Variants in PDE7A observed in about 807,000 individuals in gnomAD.
PDE7A encodes the protein high affinity 3',5'-cyclic-AMP phosphodiesterase 7A.
In PDE7A, 39 loss-of-function variants were observed where a neutral mutation model predicts 64.3. The observed-to-expected ratio is 0.61, with a 90% CI of 0.47 to 0.79. The LOEUF (loss-of-function observed/expected upper bound fraction) is 0.79, where lower values mean the gene tolerates loss of function less well. PDE7A is among the 30% of genes least tolerant of loss of function. PDE7A has a pLI of 0.00. For missense variants in PDE7A, 470 were observed against 582.8 expected, an observed-to-expected ratio of 0.81 and a Z score of 1.99; for synonymous variants, 203 against 206.8, an observed-to-expected ratio of 0.98 and a Z score of 0.16.
intron 1 of PDE7A, among the ~76,000 whole-genome samples, chr8:65,802,084 AC>A (rs1432934237): frequency 6.6e-6 from 1 of 152,258 alleles, no homozygotes; most frequent in African/African-American, 2.4e-5. Context: ...AAGTTAAGCC[AC>A]ATGATCTAAC....
At chr8:65,803,974 G>C (rs1211255913) in intron 1 of PDE7A, among the ~76,000 whole-genome samples, 3 of 151,954 alleles carry the variant, frequency 2.0e-5, no homozygotes, top group African/African-American at 7.3e-5. Flanking sequence ...ACACATTCTA[G>C]AAAAAATATG....
In PDE7A at chr8:65,760,195, G is replaced by A. The variant is rs1012527573; in HGVS notation, c.284-12392C>T. Among the ~76,000 whole-genome samples the A allele has an allele frequency of 4.6e-5, 7 of 152,198 alleles. No homozygotes were observed. The East Asian group carries it at 5.8e-4, about 13-fold the overall frequency. The stretch of plus-strand genomic sequence containing the variant: ...GTAGAGGTTGCAGTGAGCTAAGATC[G>A]TGCTACTGCACTCCAGCCTGGGCAA... On this transcript the variant is annotated intron_variant, in intron 3 of 12. Transcript: ENST00000401827.
intron 1 of PDE7A, among the ~76,000 whole-genome samples, chr8:65,823,724 A>G (rs1024298758): frequency 2.0e-5 from 3 of 152,184 alleles, no homozygotes; most frequent in African/African-American, 7.2e-5. Flanking sequence ...CCAATGCAAT[A>G]TATTAAAATC....
chr8:65,788,878 C>T (rs1407856850), intron 1 of PDE7A: 1 of 1,585,706 alleles, frequency 6.3e-7, no homozygotes, highest in Non-Finnish European at 8.6e-7. Context: ...TAAAGATGGC[C>T]TACCTTAGAG....
chr8:65,723,551 G>C lies in PDE7A; in HGVS notation c.1233C>G (p.Asn411Lys). ...AATATGTATAGTTACCAATCTGGATGTTGGCAATAGATTCAGTGTGACGAT... is the reference window on the plus strand; with the variant it reads ...AATATGTATAGTTACCAATCTGGATCTTGGCAATAGATTCAGTGTGACGAT... ...LCDRHTESIANIQIGFMTYLV... is the reference protein window; with the variant it reads ...LCDRHTESIAKIQIGFMTYLV... Residue 411 changes from asparagine (N) to lysine (K), a missense_variant, in exon 12 of 13, where the codon AAC (asparagine) becomes AAG (lysine). Physicochemically the swap from Asn to Lys is moderately conservative, Grantham distance 94 (BLOSUM62 0). Coordinates refer to ENST00000401827, the MANE Select transcript of PDE7A (RefSeq NM_001242318.3). 1.9e-6 allele frequency: 3 copies of C among 1,575,194 alleles called. No homozygotes were observed. Among genetic ancestry groups the C allele is most frequent in the Non-Finnish European group, 2.6e-6 (3 of 1,162,506 alleles).
At chr8:65,823,776 C>G (rs1336325653) in intron 1 of PDE7A, among the ~76,000 whole-genome samples, 1 of 151,928 alleles carries the variant, frequency 6.6e-6, no homozygotes, top group Non-Finnish European at 1.5e-5. Context: ...TTTACATGTG[C>G]GAGATTTATA....
At chr8:65,726,243 C>G (rs768621196) in intron 9 of PDE7A, among the ~76,000 whole-genome samples, 1 of 152,196 alleles carries the variant, frequency 6.6e-6, no homozygotes, top group Non-Finnish European at 1.5e-5. Flanking sequence ...CACACTATGG[C>G]AATGACGTGA....
intron 6 of PDE7A, among the ~76,000 whole-genome samples, chr8:65,738,435 G>A (rs1807248505): frequency 6.6e-6 from 1 of 152,108 alleles, no homozygotes; most frequent in African/African-American, 2.4e-5. Context: ...TCCACCTAAA[G>A]GACGGACAAA....
At chr8:65,814,886 A>G (rs1429673998) in intron 1 of PDE7A, among the ~76,000 whole-genome samples, 2 of 152,104 alleles carry the variant, frequency 1.3e-5, no homozygotes. Context: ...GTTCAAGACC[A>G]GCCTGGCCAA....
chr8:65,778,313 T>C (rs1370236305), intron 3 of PDE7A, among the ~76,000 whole-genome samples: 2 of 152,176 alleles, frequency 1.3e-5, no homozygotes, highest in East Asian at 1.9e-4. Flanking sequence ...ACCCTAAGAC[T>C]TCCCTGAGAC....
intron 1 of PDE7A, among the ~76,000 whole-genome samples, chr8:65,840,269 A>G (rs1811048394): frequency 6.6e-6 from 1 of 152,216 alleles, no homozygotes; most frequent in African/African-American, 2.4e-5. Context: ...AATAAAAAGG[A>G]TTCAGAGAGA....
intron 3 of PDE7A, among the ~76,000 whole-genome samples, chr8:65,762,193 T>C (rs1381717341): frequency 6.6e-6 from 1 of 152,224 alleles, no homozygotes; most frequent in Non-Finnish European, 1.5e-5. Context: ...AAAACAAACC[T>C]GAAGATGTTC....
intron 1 of PDE7A, among the ~76,000 whole-genome samples, chr8:65,834,645 C>T (rs1173540010): frequency 6.6e-6 from 1 of 152,194 alleles, no homozygotes. Flanking sequence ...ACCCAGTTAA[C>T]AACTAATTTT....
chr8:65,818,230 C>T (rs1213394401), intron 1 of PDE7A, among the ~76,000 whole-genome samples: 5 of 151,906 alleles, frequency 3.3e-5, no homozygotes, highest in Non-Finnish European at 5.9e-5. Context: ...TTTTTTTCCT[C>T]GTGTATGCGT....
intron 1 of PDE7A, among the ~76,000 whole-genome samples, chr8:65,805,019 T>C (rs185436485): frequency 1.3e-4 from 20 of 151,738 alleles, no homozygotes; most frequent in African/African-American, 2.7e-4. Context: ...TTTGAAAAAA[T>C]TTTTGGTAGA....
chr8:65,767,001 A>AAACAACAACAACAAC (rs149118435), intron 3 of PDE7A, among the ~76,000 whole-genome samples: 15 of 150,860 alleles, frequency 9.9e-5, no homozygotes, highest in Non-Finnish European at 2.1e-4. Flanking sequence ...TGCTCATTCA[A>AAACAACAACAACAAC]AACAACAACA....
intron 1 of PDE7A, among the ~76,000 whole-genome samples, chr8:65,786,643 TTC>T (rs1468283726): frequency 6.6e-6 from 1 of 152,206 alleles, no homozygotes; most frequent in African/African-American, 2.4e-5. Context: ...TACTAGAATT[TTC>T]TTTTTAATAA....
At chr8:65,754,084 A>G (rs1329614252) in intron 3 of PDE7A, among the ~76,000 whole-genome samples, 1 of 152,120 alleles carries the variant, frequency 6.6e-6, no homozygotes. Flanking sequence ...GGAGCAAGGA[A>G]AGCAAGTCTG....
intron 3 of PDE7A, among the ~76,000 whole-genome samples, chr8:65,774,662 TAAAAC>T (rs1015809749): frequency 1.1e-4 from 17 of 151,586 alleles, no homozygotes; most frequent in African/African-American, 3.9e-4. Context: ...TAAAAATATA[TAAAAC>T]AAAATTTATT....
Sources: allele counts gnomAD v4.1 joint callset (sites outside exome capture counted in the v4.1 genomes callset), GRCh38; gene constraint gnomAD v4.1.1; transcripts MANE v1.5; gene names NCBI Gene and HGNC (gene_info 2026-07-23, HGNC 2026-07-21).